Variants in SUPT3H observed in about 807,000 individuals in gnomAD.
SUPT3H encodes the protein transcription initiation protein SPT3 homolog.
SUPT3H carries 44 observed loss-of-function variants against 44.3 expected under a neutral mutation model. The observed-to-expected ratio is 0.99, with a 90% CI of 0.78 to 1.28. The LOEUF (loss-of-function observed/expected upper bound fraction) is 1.28, where lower values mean the gene tolerates loss of function less well. SUPT3H is among the 50% of genes most tolerant of loss of function. The pLI, the probability that SUPT3H is intolerant of heterozygous loss-of-function variation, is 0.00. For missense variants in SUPT3H, 380 were observed against 387.1 expected, an observed-to-expected ratio of 0.98 and a Z score of 0.15; for synonymous variants, 124 against 125.6, an observed-to-expected ratio of 0.99 and a Z score of 0.09.
chr6:45,343,632 A>G (rs185037095), intron 2 of SUPT3H, among the ~76,000 whole-genome samples: 14 of 152,356 alleles, frequency 9.2e-5, no homozygotes, highest in Admixed American at 2.6e-4. Context: ...ATTAAGTTGC[A>G]TAACAGTACG....
intron 2 of SUPT3H, among the ~76,000 whole-genome samples, chr6:45,208,152 T>C (rs1053562562): frequency 1.3e-5 from 2 of 152,166 alleles, no homozygotes; most frequent in Non-Finnish European, 2.9e-5. Context: ...GAGAAAGTTT[T>C]AGTGGTCTGG....
At chr6:45,319,689 T>C (rs1337699928) in intron 2 of SUPT3H, among the ~76,000 whole-genome samples, 2 of 152,208 alleles carry the variant, frequency 1.3e-5, no homozygotes, top group East Asian at 1.9e-4. Flanking sequence ...TTGGATATTA[T>C]GTCCAATGGA....
At chr6:44,945,619 A>G (rs1359276340) in intron 9 of SUPT3H, among the ~76,000 whole-genome samples, 2 of 152,224 alleles carry the variant, frequency 1.3e-5, no homozygotes, top group Admixed American at 1.3e-4. Context: ...GTCAAAGCCT[A>G]ATCCAGAGCA....
intron 10 of SUPT3H, among the ~76,000 whole-genome samples, chr6:44,837,982 C>T (rs1389530181): frequency 6.6e-6 from 1 of 152,126 alleles, no homozygotes; most frequent in African/African-American, 2.4e-5. Flanking sequence ...ATTAAAACAC[C>T]ATACAAGGAG....
chr6:45,082,962 C>T (rs972011916), intron 3 of SUPT3H, among the ~76,000 whole-genome samples: 27 of 152,002 alleles, frequency 1.8e-4, no homozygotes, highest in Non-Finnish European at 5.9e-5. Context: ...AAATCAGTAG[C>T]ACTTCCATAC....
At chr6:45,012,114 A>T (rs1783576816) in intron 5 of SUPT3H, among the ~76,000 whole-genome samples, 1 of 146,266 alleles carries the variant, frequency 6.8e-6, no homozygotes, top group Admixed American at 6.8e-5. Context: ...TTTTTCCCAC[A>T]TTTTTGGTAA....
At chr6:45,284,564 T>C (rs1778847708) in intron 2 of SUPT3H, among the ~76,000 whole-genome samples, 1 of 152,152 alleles carries the variant, frequency 6.6e-6, no homozygotes, top group Admixed American at 6.5e-5. Flanking sequence ...AATCTCTGAA[T>C]AGACCAATAA....
intron 10 of SUPT3H, among the ~76,000 whole-genome samples, chr6:44,921,880 G>A (rs1768783623): frequency 6.6e-6 from 1 of 152,182 alleles, no homozygotes; most frequent in Non-Finnish European, 1.5e-5. Context: ...TTCCACCAGA[G>A]AGGCACAGCA....
chr6:45,017,481 C>G (rs1440536991), intron 4 of SUPT3H, among the ~76,000 whole-genome samples: 1 of 151,752 alleles, frequency 6.6e-6, no homozygotes, highest in African/African-American at 2.4e-5. Flanking sequence ...GGTTTTAGGT[C>G]TAACATTTAA....
chr6:45,309,399 G>C (rs1783614712), intron 2 of SUPT3H, among the ~76,000 whole-genome samples: 1 of 151,462 alleles, frequency 6.6e-6, no homozygotes, highest in African/African-American at 2.4e-5. Context: ...TATCAGAACT[G>C]ATCAAGCAGA....
rs1767969445 is a variant in SUPT3H at position 44,828,112 on chromosome 6, A to T, written c.*1704T>A. Among the ~76,000 whole-genome samples, 1 of 152,144 alleles carries T rather than the reference A, an allele frequency of 6.6e-6. No individual in the cohort carries two copies. The highest frequency in any genetic ancestry group is 2.1e-4 in the South Asian group (1 of 4,832). ...AGAAGGAATTTTGATGTGAAAAATT[A>T]TCCCCTGAAAATTTTATACCATCTA... is the stretch of plus-strand genomic sequence containing the variant. On this transcript the variant is annotated 3_prime_UTR_variant, in exon 11 of 11. Transcript: ENST00000371459.
chr6:45,132,260 G>A (rs1803588707), intron 2 of SUPT3H, among the ~76,000 whole-genome samples: 1 of 152,202 alleles, frequency 6.6e-6, no homozygotes, highest in Non-Finnish European at 1.5e-5. Flanking sequence ...CAAACTGAGA[G>A]AGAGGAAGTG....
At chr6:45,185,796 T>C (rs1399713686) in intron 2 of SUPT3H, among the ~76,000 whole-genome samples, 1 of 152,218 alleles carries the variant, frequency 6.6e-6, no homozygotes, top group African/African-American at 2.4e-5. Context: ...TGTCTCTATA[T>C]ATTTATTTCA....
intron 9 of SUPT3H, among the ~76,000 whole-genome samples, chr6:44,952,999 C>T (rs1376308524): frequency 6.6e-6 from 1 of 152,146 alleles, no homozygotes; most frequent in Non-Finnish European, 1.5e-5. Flanking sequence ...ACTTTTCCAA[C>T]ATTACCTAAA....
At chr6:45,354,630 TACAC>T (rs35189031) in intron 2 of SUPT3H, among the ~76,000 whole-genome samples, 38,261 of 149,748 alleles carry the variant, frequency 0.26, 5,517 homozygotes, top group Non-Finnish European at 0.34. Context: ...CACGCACACA[TACAC>T]ACACACACAC....
chr6:44,891,651 T>A (rs1250635635), intron 10 of SUPT3H, among the ~76,000 whole-genome samples: 1 of 152,018 alleles, frequency 6.6e-6, no homozygotes, highest in Admixed American at 6.6e-5. Context: ...CTGTTTGGGA[T>A]GATAAAATAT....
chr6:45,229,829 G>A (rs1048363631), intron 2 of SUPT3H, among the ~76,000 whole-genome samples: 1 of 152,052 alleles, frequency 6.6e-6, no homozygotes, highest in African/African-American at 2.4e-5. Flanking sequence ...TTATTTTTAT[G>A]TACAGGTATC....
rs182494051 is a variant in SUPT3H at position 45,025,550 on chromosome 6, A to T, written c.187-4918T>A. Among the ~76,000 whole-genome samples the T allele has an allele frequency of 4.6e-5, 7 of 152,342 alleles. No individual in the cohort carries two copies. In the East Asian group the frequency reaches 1.3e-3, roughly 29 times the overall value. On this transcript the variant is annotated intron_variant, in intron 3 of 10. Coordinates refer to ENST00000371459, the MANE Select transcript of SUPT3H (RefSeq NM_003599.4). The stretch of plus-strand genomic sequence containing the variant: ...ATTTGGCTGGGGCCCACATAAATTC[A>T]GCACAAAGATTTCTCTAAAGTTCTA...
At chr6:45,181,872 TAAATAAATAAA>T (rs961428363) in intron 2 of SUPT3H, among the ~76,000 whole-genome samples, 6 of 1,176 alleles carry the variant, frequency 5.1e-3, no homozygotes, top group African/African-American at 7.3e-3. Context: ...ATAATAATAA[TAAATAAATAAA>T]TAAATAAATA....
Sources: gnomAD v4.1 joint callset for allele counts (sites outside exome capture counted in the v4.1 genomes callset) on GRCh38, gnomAD v4.1.1 for gene constraint, MANE v1.5 for transcripts, NCBI Gene and HGNC (gene_info 2026-07-23, HGNC 2026-07-21) for gene names.